Variants in MRAS observed in about 807,000 individuals in gnomAD.
MRAS encodes ras-related protein M-Ras.
MRAS carries 4 observed loss-of-function variants against 20.9 expected under a neutral mutation model. The ratio of observed to expected loss-of-function variants is 0.19; its 90% CI spans 0.09 to 0.44. MRAS has a LOEUF of 0.44. Ranked by LOEUF, MRAS falls within the 20% of genes least tolerant of loss-of-function variation. MRAS has a pLI of 0.99. For synonymous variants in MRAS, 98 were observed against 102.9 expected (o/e 0.95, Z 0.29); for missense variants, 154 against 277.5 (o/e 0.56, Z 3.16).
intron 2 of MRAS, among the ~76,000 whole-genome samples, chr3:138,394,408 G>T (rs903719632): frequency 6.6e-6 from 1 of 152,174 alleles, no homozygotes; most frequent in Admixed American, 6.5e-5. Context: ...GTGCCAAATG[G>T]CTCTGGGGGA....
At chr3:138,386,838 A>G (rs2055026609) in intron 2 of MRAS, among the ~76,000 whole-genome samples, 1 of 152,130 alleles carries the variant, frequency 6.6e-6, no homozygotes, top group Non-Finnish European at 1.5e-5. Flanking sequence ...GGTTGTTTCT[A>G]CTTTTGGCCA....
At chr3:138,394,860 T>C (rs2055202782) in intron 2 of MRAS, among the ~76,000 whole-genome samples, 1 of 152,100 alleles carries the variant, frequency 6.6e-6, no homozygotes, top group Non-Finnish European at 1.5e-5. Flanking sequence ...GTGGCCTTGG[T>C]CTGGTCACTT....
At position 138,385,240 on chromosome 3, in the gene MRAS, T is replaced by G. The variant is rs148889959; in HGVS notation, c.194-12084T>G. 3.4e-3 allele frequency among the ~76,000 whole-genome samples: 463 copies of G among 135,916 alleles called. 6 individuals are homozygous for G. Among genetic ancestry groups the G allele is most frequent in the African/African-American group, 0.012 (444 of 37,158 alleles). The allele number at this position is 135,916 out of a possible 152,430, so 89.2% of individuals were successfully genotyped here. ...TGGAGTTCAGTGGCATGATCATGACTCACTGCAGCCTTGACCTCCCGCAGT... is the reference window on the plus strand; with the variant it reads ...TGGAGTTCAGTGGCATGATCATGACGCACTGCAGCCTTGACCTCCCGCAGT... On this transcript the variant is annotated intron_variant, in intron 2 of 5. Transcript: ENST00000423968.
chr3:138,395,013 A>G (rs2055205850), intron 2 of MRAS, among the ~76,000 whole-genome samples: 1 of 151,734 alleles, frequency 6.6e-6, no homozygotes, highest in Admixed American at 6.6e-5. Context: ...TGTCCTCTAG[A>G]GCATGCCTTT....
intron 1 of MRAS, among the ~76,000 whole-genome samples, chr3:138,366,327 C>T (rs1401470159): frequency 6.6e-6 from 1 of 152,206 alleles, no homozygotes; most frequent in Admixed American, 6.5e-5. Flanking sequence ...TTCAGCTCAA[C>T]GTGAATGAAA....
chr3:138,359,144 G>A (rs1160886038), intron 1 of MRAS, among the ~76,000 whole-genome samples: 6 of 152,202 alleles, frequency 3.9e-5, no homozygotes, highest in Non-Finnish European at 7.3e-5. Context: ...GCAGCAAGCT[G>A]GTTACTGAGG....
At chr3:138,363,816 T>G (rs2054500271) in intron 1 of MRAS, among the ~76,000 whole-genome samples, 1 of 115,272 alleles carries the variant, frequency 8.7e-6, no homozygotes, top group Non-Finnish European at 1.8e-5. Context: ...TGTTAGAGGA[T>G]TTACCCCCCC....
In MRAS at chr3:138,372,906, G is replaced by C; in HGVS notation, c.23G>C (p.Ser8Thr). 1.9e-6 allele frequency: 3 copies of C among 1,547,442 alleles called. No homozygotes were observed. Among genetic ancestry groups the C allele is most frequent in the Non-Finnish European group, 2.6e-6 (3 of 1,154,516 alleles). MATSAVP[S>T]DNLPTYKLVV... is the part of the protein sequence containing the mutation. ...AACATGGCAACCAGCGCCGTCCCCA[G>C]TGACAACCTCCCCACATACAAGCTG... The change falls in exon 2 of 6, where the codon AGT becomes ACT. Residue 8 changes from serine to threonine, a missense_variant. By Grantham distance (58) the Ser-to-Thr change is moderately conservative (BLOSUM62 1). Transcript: ENST00000423968.
At chr3:138,359,156 G>GA (rs552024326) in intron 1 of MRAS, among the ~76,000 whole-genome samples, 5 of 152,146 alleles carry the variant, frequency 3.3e-5, no homozygotes, top group Non-Finnish European at 5.9e-5. Context: ...TTACTGAGGA[G>GA]AAAAAATGCA....
intron 1 of MRAS, among the ~76,000 whole-genome samples, chr3:138,351,268 T>G (rs1307190131): frequency 6.6e-6 from 1 of 152,032 alleles, no homozygotes; most frequent in African/African-American, 2.4e-5. Context: ...ATTGTGTAGT[T>G]TGTACAAGCA....
intron 2 of MRAS, among the ~76,000 whole-genome samples, chr3:138,393,850 C>T (rs929478267): frequency 2.0e-5 from 3 of 151,786 alleles, no homozygotes; most frequent in Non-Finnish European, 4.4e-5. Flanking sequence ...CCACCATGCC[C>T]AGCTAATTTT....
At chr3:138,393,141 C>T (rs917511453) in intron 2 of MRAS, among the ~76,000 whole-genome samples, 1 of 152,200 alleles carries the variant, frequency 6.6e-6, no homozygotes, top group African/African-American at 2.4e-5. Flanking sequence ...CTGGCTCCTA[C>T]CCTCACACAT....
intron 1 of MRAS, among the ~76,000 whole-genome samples, chr3:138,353,462 T>C (rs902123326): frequency 6.6e-6 from 1 of 152,206 alleles, no homozygotes; most frequent in African/African-American, 2.4e-5. Context: ...ACAGTGTCTC[T>C]ACCCTTTGAG....
intron 1 of MRAS, among the ~76,000 whole-genome samples, chr3:138,357,739 TAAGCCAC>T (rs1352409876): frequency 1.3e-5 from 2 of 152,246 alleles, no homozygotes; most frequent in East Asian, 3.8e-4. Flanking sequence ...CTTCATCTGC[TAAGCCAC>T]TATTATTGCA....
chr3:138,383,904 G>A (rs114673147), intron 2 of MRAS, among the ~76,000 whole-genome samples: 1 of 152,156 alleles, frequency 6.6e-6, no homozygotes, highest in South Asian at 2.1e-4. Context: ...AAGTGGTTAC[G>A]GTCTTGTGTT....
At chr3:138,354,581 T>G (rs2054292606) in intron 1 of MRAS, among the ~76,000 whole-genome samples, 2 of 152,166 alleles carry the variant, frequency 1.3e-5, no homozygotes. Context: ...GAGTGTGTGT[T>G]TTTGGCTATG....
chr3:138,362,143 C>G (rs1267519824), intron 1 of MRAS, among the ~76,000 whole-genome samples: 1 of 152,156 alleles, frequency 6.6e-6, no homozygotes, highest in African/African-American at 2.4e-5. Flanking sequence ...GCCAGGGATG[C>G]CAGCAGGGAA....
At chr3:138,376,652 C>T (rs2054788903) in intron 2 of MRAS, among the ~76,000 whole-genome samples, 1 of 152,178 alleles carries the variant, frequency 6.6e-6, no homozygotes, top group South Asian at 2.1e-4. Flanking sequence ...TACATCTGTG[C>T]ACTTTCTAAA....
chr3:138,376,992 A>G (rs2054796521), intron 2 of MRAS, among the ~76,000 whole-genome samples: 1 of 152,188 alleles, frequency 6.6e-6, no homozygotes, highest in South Asian at 2.1e-4. Context: ...TTTCCTGAGT[A>G]CCTTTGGATG....
Sources: gnomAD v4.1 joint callset for allele counts (sites outside exome capture counted in the v4.1 genomes callset) on GRCh38, gnomAD v4.1.1 for gene constraint, MANE v1.5 for transcripts, NCBI Gene and HGNC (gene_info 2026-07-23, HGNC 2026-07-21) for gene names.